PLCB1: variants seen among roughly 807,000 people sequenced by gnomAD.
The protein encoded by PLCB1 is 1-phosphatidylinositol 4,5-bisphosphate phosphodiesterase beta-1.
A neutral mutation model predicts 161.8 loss-of-function variants in PLCB1; 46 were observed. That is an observed-to-expected ratio of 0.28 (90% CI 0.22 to 0.36). The LOEUF (loss-of-function observed/expected upper bound fraction) is 0.36. Ranked by LOEUF, PLCB1 falls within the 10% of genes least tolerant of loss-of-function variation. The pLI is 1.00. For missense variants in PLCB1, 1,016 were observed against 1,472.5 expected, an observed-to-expected ratio of 0.69 and a Z score of 5.07; for synonymous variants, 517 against 503.7, an observed-to-expected ratio of 1.03 and a Z score of -0.35.
chr20:8,307,442 G>A (rs1173849516), intron 2 of PLCB1, among the ~76,000 whole-genome samples: 1 of 152,144 alleles, frequency 6.6e-6, no homozygotes, highest in Non-Finnish European at 1.5e-5. Context: ...ATAATCTGTC[G>A]ACGACCTGAC....
chr20:8,307,436 T>A (rs1196643214), intron 2 of PLCB1, among the ~76,000 whole-genome samples: 1 of 152,204 alleles, frequency 6.6e-6, no homozygotes, highest in Admixed American at 6.5e-5. Context: ...ATTGGAATAA[T>A]CTGTCGACGA....
chr20:8,376,778 A>C (rs536721947), intron 3 of PLCB1, among the ~76,000 whole-genome samples: 30 of 152,058 alleles, frequency 2.0e-4, no homozygotes, highest in Non-Finnish European at 4.0e-4. Context: ...AATACAAAAA[A>C]TTAGCTGGGC....
chr20:8,517,005 A>G (rs1419058215), intron 3 of PLCB1, among the ~76,000 whole-genome samples: 1 of 152,050 alleles, frequency 6.6e-6, no homozygotes, highest in Admixed American at 6.6e-5. Context: ...ACAAGGAGTG[A>G]GTTTAACCAC....
chr20:8,311,689 CCG>C (rs1373413220), intron 2 of PLCB1, among the ~76,000 whole-genome samples: 3 of 152,262 alleles, frequency 2.0e-5, no homozygotes, highest in African/African-American at 7.2e-5. Context: ...TATCATAACT[CCG>C]GAGTGATCTT....
At chr20:8,226,840 A>G (rs371210473) in intron 2 of PLCB1, among the ~76,000 whole-genome samples, 23 of 151,878 alleles carry the variant, frequency 1.5e-4, no homozygotes, top group African/African-American at 4.8e-4. Context: ...GGCACCTGCC[A>G]CTGCGTCTGG....
At chr20:8,742,942 T>C (rs1039164945) in intron 23 of PLCB1, among the ~76,000 whole-genome samples, 3 of 152,220 alleles carry the variant, frequency 2.0e-5, no homozygotes, top group Non-Finnish European at 4.4e-5. Context: ...TCAGTTCTAA[T>C]AGTTAGTTGG....
At chr20:8,727,481 AT>A in intron 17 of PLCB1, 88 bp downstream of exon 17, 1 of 749,822 alleles carries the variant, frequency 1.3e-6, no homozygotes, top group African/African-American at 1.8e-5. Flanking sequence ...AAGGAGAAAG[AT>A]GCATAAAATG....
intron 2 of PLCB1, among the ~76,000 whole-genome samples, chr20:8,208,142 T>C (rs77883337): frequency 0.016 from 2,483 of 152,230 alleles, 40 homozygotes; most frequent in South Asian, 0.042. Flanking sequence ...ACACCGTAGA[T>C]AACTGTTTTG....
intron 25 of PLCB1, among the ~76,000 whole-genome samples, chr20:8,760,935 C>T (rs1981989047): frequency 6.6e-6 from 1 of 152,092 alleles, no homozygotes; most frequent in South Asian, 2.1e-4. Flanking sequence ...TTGTGCAGTA[C>T]AATTAGCAGT....
Position 8,320,909 on chromosome 20 carries a change from A to G in PLCB1, c.178-50473A>G, listed in dbSNP as rs79184997. 5.6e-3 allele frequency among the ~76,000 whole-genome samples: 823 copies of G among 147,660 alleles called. 10 individuals carry two copies. Among genetic ancestry groups the G allele is most frequent in the African/African-American group, 0.019 (750 of 38,826 alleles). On this transcript the variant is annotated intron_variant, in intron 2 of 31. Transcript: ENST00000338037. ...AGAAAGAAAGAGAGAAGAAGAAAAG[A>G]AGAAGAGGAAGAAGAGGAAGAAGAA...
chr20:8,473,980 A>C lies in PLCB1; in HGVS notation c.246+102530A>C, dbSNP rs559178374. On this transcript the variant is annotated intron_variant, in intron 3 of 31. Transcript: ENST00000338037. ...TGATGCCTCTAAGAAATCTTATTGA[A>C]TTAAGACAGTTAATTAATTGTCTGC... is the stretch of plus-strand genomic sequence containing the variant. Among the ~76,000 whole-genome samples, 5 of 152,344 alleles carry C rather than the reference A, an allele frequency of 3.3e-5. No individual in the cohort carries two copies. The East Asian group carries it at 9.7e-4, about 29-fold the overall frequency.
intron 2 of PLCB1, among the ~76,000 whole-genome samples, chr20:8,288,855 T>A (rs1368103360): frequency 6.6e-6 from 1 of 152,178 alleles, no homozygotes; most frequent in Non-Finnish European, 1.5e-5. Flanking sequence ...TTTATCACTA[T>A]CTGGAAATAG....
At chr20:8,632,029 TTTTTGC>T (rs1445719670) in intron 4 of PLCB1, among the ~76,000 whole-genome samples, 8 of 88,772 alleles carry the variant, frequency 9.0e-5, no homozygotes, top group African/African-American at 3.1e-4. Flanking sequence ...ATATGGGTTT[TTTTTGC>T]TTTTTTTTTT....
chr20:8,497,920 G>A (rs1983243259), intron 3 of PLCB1, among the ~76,000 whole-genome samples: 1 of 151,990 alleles, frequency 6.6e-6, no homozygotes, highest in African/African-American at 2.4e-5. Flanking sequence ...TTCTAGTCTA[G>A]TACATAATAT....
intron 2 of PLCB1, among the ~76,000 whole-genome samples, chr20:8,205,330 C>A (rs998585035): frequency 6.6e-6 from 1 of 152,068 alleles, no homozygotes; most frequent in Non-Finnish European, 1.5e-5. Context: ...AATACTTATA[C>A]AAAAACAAAT....
At chr20:8,657,411 T>C in intron 8 of PLCB1, 127 bp downstream of exon 8, 1 of 674,902 alleles carries the variant, frequency 1.5e-6, no homozygotes, top group Non-Finnish European at 2.7e-6. Flanking sequence ...GCAATATTCC[T>C]GTGTGATGTT....
chr20:8,256,001 T>C (rs1429857216), intron 2 of PLCB1, among the ~76,000 whole-genome samples: 1 of 152,126 alleles, frequency 6.6e-6, no homozygotes, highest in Non-Finnish European at 1.5e-5. Context: ...ACATGCTGTA[T>C]AGTTTGTAGC....
intron 3 of PLCB1, among the ~76,000 whole-genome samples, chr20:8,443,414 T>C (rs1980661199): frequency 6.6e-6 from 1 of 152,188 alleles, no homozygotes; most frequent in Non-Finnish European, 1.5e-5. Flanking sequence ...TTTTATAAGG[T>C]AATGGAAGAG....
At chr20:8,573,456 A>C (rs982237985) in intron 3 of PLCB1, among the ~76,000 whole-genome samples, 2 of 152,212 alleles carry the variant, frequency 1.3e-5, no homozygotes, top group African/African-American at 4.8e-5. Context: ...ATTATTTTCA[A>C]TGCTGCATAC....
Sources: gnomAD v4.1 joint callset for allele counts (sites outside exome capture counted in the v4.1 genomes callset) on GRCh38, gnomAD v4.1.1 for gene constraint, MANE v1.5 for transcripts, NCBI Gene and HGNC (gene_info 2026-07-23, HGNC 2026-07-21) for gene names.